The following CCDC158 variants were observed in gnomAD, a reference collection of about 807,000 sequenced individuals.
The protein encoded by CCDC158 is coiled-coil domain containing 158.
In CCDC158, 116 loss-of-function variants were observed where a neutral mutation model predicts 138.6. The observed-to-expected ratio is 0.84, with a 90% CI of 0.72 to 0.98. The LOEUF (loss-of-function observed/expected upper bound fraction) is 0.98. CCDC158 is among the 50% of genes least tolerant of loss of function. The pLI, the probability that CCDC158 is intolerant of heterozygous loss-of-function variation, is 0.00. For missense variants in CCDC158, 1,265 were observed against 1,306.1 expected, an observed-to-expected ratio of 0.97 and a Z score of 0.48; for synonymous variants, 436 against 442.4, an observed-to-expected ratio of 0.99 and a Z score of 0.18.
At chr4:76,412,336 G>A (rs1036621279) in intron 1 of CCDC158, among the ~76,000 whole-genome samples, 4 of 152,154 alleles carry the variant, frequency 2.6e-5, no homozygotes, top group Admixed American at 2.0e-4. Context: ...GAGCAGGCCA[G>A]GCATGGTGGC....
At chr4:76,391,191 C>T (rs1323638686) in intron 4 of CCDC158, among the ~76,000 whole-genome samples, 1 of 151,952 alleles carries the variant, frequency 6.6e-6, no homozygotes, top group Non-Finnish European at 1.5e-5. Context: ...GCCTTGTATA[C>T]ACACAGGAAT....
chr4:76,404,744 G>T (rs988213869), intron 2 of CCDC158, among the ~76,000 whole-genome samples: 1 of 152,162 alleles, frequency 6.6e-6, no homozygotes, highest in South Asian at 2.1e-4. Flanking sequence ...AAGGGTGAGA[G>T]CTGGGTGTGG....
intron 18 of CCDC158, chr4:76,344,580 G>A: frequency 8.3e-7 from 1 of 1,198,258 alleles, no homozygotes; most frequent in Non-Finnish European, 1.2e-6. Context: ...CCTGAATGTT[G>A]ATCCCTCGCT....
chr4:76,350,758 G>A (rs1297789195), intron 18 of CCDC158, among the ~76,000 whole-genome samples: 1 of 151,908 alleles, frequency 6.6e-6, no homozygotes, highest in Non-Finnish European at 1.5e-5. Flanking sequence ...TTTGTAATCT[G>A]GAAATTCTTG....
intron 1 of CCDC158, among the ~76,000 whole-genome samples, chr4:76,413,551 A>C (rs2109916788): frequency 6.6e-6 from 1 of 152,274 alleles, no homozygotes; most frequent in East Asian, 1.9e-4. Flanking sequence ...ATGGAAGTAA[A>C]GAGAGACAGA....
At chr4:76,325,730 A>T in intron 23 of CCDC158, 127 bp downstream of exon 23, 1 of 677,652 alleles carries the variant, frequency 1.5e-6, no homozygotes, top group Non-Finnish European at 2.4e-6. Flanking sequence ...TGTTTAAATT[A>T]CACAGAATCA....
chr4:76,362,248 T>C lies in CCDC158; in HGVS notation c.1898A>G (p.Glu633Gly). Reference protein sequence around the residue: ...LEARVSDLELEKVKLVNAGSE... With the variant: ...LEARVSDLELGKVKLVNAGSE... Reference sequence around the variant, plus strand: ...GCCTGCATTCACCAGCTTCACCTTTTCCAGCTCCAAGTCACTCACTCTGGC... The same window carrying C: ...GCCTGCATTCACCAGCTTCACCTTTCCCAGCTCCAAGTCACTCACTCTGGC... Residue 633 changes from glutamate (E) to glycine (G), a missense_variant, in exon 13 of 25, where the codon GAA becomes GGA. Coordinates refer to ENST00000682701, the MANE Select transcript of CCDC158 (RefSeq NM_001394954.1). The C allele has an allele frequency of 1.2e-6, 2 of 1,614,196 alleles. No individual in the cohort carries two copies. The highest frequency in any genetic ancestry group is 1.7e-6 in the Non-Finnish European group (2 of 1,180,034).
intron 16 of CCDC158, 135 bp downstream of exon 16, chr4:76,352,988 T>C (rs1723193912): frequency 1.5e-6 from 1 of 651,092 alleles, no homozygotes; most frequent in African/African-American, 1.9e-5. Flanking sequence ...GGTTTTCCTT[T>C]GTGCTAGGTG....
chr4:76,323,213 C>G (rs1720200574), intron 24 of CCDC158, 89 bp downstream of exon 24: 2 of 861,916 alleles, frequency 2.3e-6, no homozygotes, highest in Non-Finnish European at 3.7e-6. Context: ...AATACCCTTT[C>G]AGCAGGTCTA....
In CCDC158 at chr4:76,392,617, T is replaced by C. The variant is rs139470309; in HGVS notation, c.288+3652A>G. Among the ~76,000 whole-genome samples the C allele has an allele frequency of 3.0e-3, 454 of 152,056 alleles. 1 individual carries two copies. The highest frequency in any genetic ancestry group is 6.8e-3 in the Admixed American group (103 of 15,254). ...CCACTTTCACCATTGTTATTCAACA[T>C]AGTACTGGAAGTCCTAGCTTGAGCA... On this transcript the variant is annotated intron_variant, in intron 4 of 24. Coordinates refer to ENST00000682701, the MANE Select transcript of CCDC158 (RefSeq NM_001394954.1).
chr4:76,399,797 C>T (rs1038588646), intron 3 of CCDC158, among the ~76,000 whole-genome samples: 1 of 151,936 alleles, frequency 6.6e-6, no homozygotes, highest in Non-Finnish European at 1.5e-5. Flanking sequence ...AAGGTTCAAA[C>T]GGAGAGAAAA....
intron 16 of CCDC158, 164 bp downstream of exon 16, chr4:76,352,959 G>A (rs1360576133): frequency 5.6e-6 from 3 of 534,510 alleles, no homozygotes; most frequent in East Asian, 6.9e-5. Context: ...ATTCAGAAAC[G>A]CCTTCTCTAA....
At chr4:76,335,010 TATC>T (rs1721345452) in intron 18 of CCDC158, among the ~76,000 whole-genome samples, 1 of 152,218 alleles carries the variant, frequency 6.6e-6, no homozygotes. Context: ...ACCAATATAA[TATC>T]CAGCTGAAGA....
chr4:76,417,750 G>T (rs549587196), intron 1 of CCDC158, among the ~76,000 whole-genome samples: 23 of 152,256 alleles, frequency 1.5e-4, no homozygotes, highest in African/African-American at 5.3e-4. Context: ...GTGAGGGAAG[G>T]CCTTCCTAAG....
At chr4:76,331,427 A>T in intron 20 of CCDC158, 24 bp from the exon 21 acceptor site, 1 of 1,599,690 alleles carries the variant, frequency 6.3e-7, no homozygotes. Context: ...GATGGGAGAA[A>T]TCACAGTTTA....
intron 1 of CCDC158, among the ~76,000 whole-genome samples, chr4:76,415,607 G>T (rs1049984282): frequency 6.6e-6 from 1 of 151,922 alleles, no homozygotes; most frequent in Non-Finnish European, 1.5e-5. Flanking sequence ...TTAGCTTGTA[G>T]CAATTATTCT....
chr4:76,337,154 G>T (rs72657813), intron 18 of CCDC158, among the ~76,000 whole-genome samples: 47,583 of 151,728 alleles, frequency 0.31, 9,278 homozygotes, highest in Non-Finnish European at 0.44. Context: ...CTATTTTTGG[G>T]TTTTTTTGTA....
chr4:76,371,673 C>A (rs1401044802), intron 9 of CCDC158, 137 bp from the exon 10 acceptor site: 3 of 1,005,800 alleles, frequency 3.0e-6, no homozygotes, highest in Non-Finnish European at 4.3e-6. Context: ...TGCAGTGGCT[C>A]ATGCCTGTAA....
intron 4 of CCDC158, among the ~76,000 whole-genome samples, chr4:76,387,413 A>G (rs9990738): frequency 0.029 from 4,483 of 152,258 alleles, 222 homozygotes; most frequent in African/African-American, 0.1. Context: ...GGGACCAGGC[A>G]TGGTGGCTCA....
Sources: gnomAD v4.1 joint callset for allele counts (sites outside exome capture counted in the v4.1 genomes callset) on GRCh38, gnomAD v4.1.1 for gene constraint, MANE v1.5 for transcripts, NCBI Gene and HGNC (gene_info 2026-07-23, HGNC 2026-07-21) for gene names.